Variants in POGZ observed in about 807,000 individuals in gnomAD.
POGZ encodes pogo transposable element derived with ZNF domain.
A neutral mutation model predicts 134.6 loss-of-function variants in POGZ; 17 were observed. The ratio of observed to expected loss-of-function variants is 0.13; its 90% CI spans 0.09 to 0.19. The LOEUF (loss-of-function observed/expected upper bound fraction) is 0.19. POGZ is among the 10% of genes least tolerant of loss of function. The pLI is 1.00. For missense variants in POGZ, 1,306 were observed against 1,769.7 expected (o/e 0.74, Z 4.70); for synonymous variants, 693 against 657.1 (o/e 1.05, Z -0.84).
chr1:151,440,173 C>T (rs1002451926), intron 3 of POGZ, among the ~76,000 whole-genome samples: 2 of 150,718 alleles, frequency 1.3e-5, no homozygotes, highest in African/African-American at 2.4e-5. Context: ...TATGGTTAAA[C>T]ATTTTTTTGT....
intron 1 of POGZ, among the ~76,000 whole-genome samples, chr1:151,447,970 C>A (rs545266569): frequency 1.3e-5 from 2 of 152,156 alleles, no homozygotes; most frequent in East Asian, 3.9e-4. Context: ...TGCCCCAGAC[C>A]TAGAACCAAC....
At position 151,404,582 on chromosome 1, in the gene POGZ, A is replaced by G; in HGVS notation, c.*220T>C. On this transcript the variant is annotated 3_prime_UTR_variant, in exon 19 of 19. Transcript: ENST00000271715. ...CTGTTTTTAGCAGAAGTGAATGACC[A>G]ATGGGCCAGCTCCTTGGCTCAGACG... 8.1e-7 allele frequency: 1 copy of G among 1,231,264 alleles called. No homozygotes were observed. The highest frequency in any genetic ancestry group is 3.9e-5 in the South Asian group (1 of 25,952). The allele number at this position is 1,231,264 out of a possible 1,614,324, so 76.3% of individuals were successfully genotyped here.
rs540397052 is a variant in POGZ, at chr1:151,408,653, T to C, written c.2061+41A>G. 6.8e-6 allele frequency: 11 copies of C among 1,605,936 alleles called. No individual in the cohort carries two copies. The East Asian group carries it at 2.5e-4, about 36-fold the overall frequency. ...TCAGAATACTGAAAATCTCTATTCC[T>C]CCCTCCCTGGGCCTATAAAAGACAC... On this transcript the variant is annotated intron_variant, in intron 13 of 18. Coordinates refer to ENST00000271715, the MANE Select transcript of POGZ (RefSeq NM_015100.4).
chr1:151,424,316 T>C (rs1178725822), intron 8 of POGZ, 30 bp from the exon 9 acceptor site: 1 of 1,375,132 alleles, frequency 7.3e-7, no homozygotes, highest in Non-Finnish European at 1.0e-6. Flanking sequence ...ATCATTCTGG[T>C]TATCCTGGGG....
intron 2 of POGZ, 78 bp from the exon 3 acceptor site, chr1:151,441,164 C>G: frequency 8.1e-7 from 1 of 1,231,034 alleles, no homozygotes; most frequent in Non-Finnish European, 1.1e-6. Flanking sequence ...TCTTCCCTTT[C>G]CATCTTATTG....
In POGZ at chr1:151,448,395, T is replaced by G. The variant is rs562880939; in HGVS notation, c.-1-6190A>C. Among the ~76,000 whole-genome samples, 8 of 152,246 alleles carry G rather than the reference T, an allele frequency of 5.3e-5. No individual in the cohort carries two copies. The South Asian group carries it at 1.7e-3, about 32-fold the overall frequency. On this transcript the variant is annotated intron_variant, in intron 1 of 18. Coordinates refer to ENST00000271715, the MANE Select transcript of POGZ (RefSeq NM_015100.4). ...GGGAGGCTGAGGTGAGAGGATTACC[T>G]GAGTTCAGGAGTTCGAGACCAGCTT...
At chr1:151,444,264 T>C (rs1399958211) in intron 1 of POGZ, among the ~76,000 whole-genome samples, 1 of 152,228 alleles carries the variant, frequency 6.6e-6, no homozygotes, top group African/African-American at 2.4e-5. Flanking sequence ...ATTTTCAGGC[T>C]TAATTATATG....
Position 151,449,046 on chromosome 1 carries a change from T to C in POGZ, c.-1-6841A>G, listed in dbSNP as rs79052727. ...CAGAGGTGGAAAACAGAGATTTAGATACAGCAGAAAGCCTACACCTTTACT... is the reference window on the plus strand; with the variant it reads ...CAGAGGTGGAAAACAGAGATTTAGACACAGCAGAAAGCCTACACCTTTACT... On this transcript the variant is annotated intron_variant, in intron 1 of 18. Coordinates refer to ENST00000271715, the MANE Select transcript of POGZ (RefSeq NM_015100.4). Among the ~76,000 whole-genome samples, 29 of 152,298 alleles carry C rather than the reference T, an allele frequency of 1.9e-4. No individual in the cohort carries two copies. The East Asian group carries it at 3.9e-3, about 20-fold the overall frequency.
chr1:151,409,424 G>T (rs1654270997), intron 12 of POGZ, among the ~76,000 whole-genome samples: 1 of 152,078 alleles, frequency 6.6e-6, no homozygotes, highest in African/African-American at 2.4e-5. Context: ...GCCCAGGCTG[G>T]AGTGCAGTGG....
chr1:151,406,665 C>A, intron 17 of POGZ, 34 bp from the exon 18 acceptor site: 1 of 1,591,890 alleles, frequency 6.3e-7, no homozygotes, highest in South Asian at 1.1e-5. Flanking sequence ...ATAGTTAGCT[C>A]AGTGAAAAAA....
At chr1:151,406,530 T>C in intron 18 of POGZ, 66 bp from the exon 19 acceptor site, 1 of 1,537,258 alleles carries the variant, frequency 6.5e-7, no homozygotes, top group Non-Finnish European at 8.7e-7. Flanking sequence ...GAAACAATAA[T>C]ATGATAATAA....
intron 3 of POGZ, among the ~76,000 whole-genome samples, chr1:151,436,869 G>T (rs1659670738): frequency 1.3e-5 from 2 of 152,178 alleles, no homozygotes. Context: ...GCTAGGAGTA[G>T]AACTGCTGGG....
chr1:151,425,203 G>T (rs1657564416), intron 7 of POGZ, 142 bp from the exon 8 acceptor site: 3 of 553,694 alleles, frequency 5.4e-6, no homozygotes, highest in Non-Finnish European at 1.0e-5. Flanking sequence ...GTTTTTGTTT[G>T]TTTTTGTTTT....
At chr1:151,445,221 T>C (rs765611453) in intron 1 of POGZ, among the ~76,000 whole-genome samples, 1 of 151,942 alleles carries the variant, frequency 6.6e-6, no homozygotes, top group African/African-American at 2.4e-5. Context: ...AGACTCAAAA[T>C]GAAAAGAAAA....
At position 151,459,363 on chromosome 1, in the gene POGZ, C is replaced by T. The variant is rs1663234630; in HGVS notation, c.-213G>A. On this transcript the variant is annotated 5_prime_UTR_variant, in exon 1 of 19. Coordinates refer to ENST00000271715, the MANE Select transcript of POGZ (RefSeq NM_015100.4). Reference sequence around the variant, plus strand: ...GAGTGATTCGGGGTGGATTTTTTTCCCGAGGGGGGCGGGGGGGCCCCGAGG... The same window carrying T: ...GAGTGATTCGGGGTGGATTTTTTTCTCGAGGGGGGCGGGGGGGCCCCGAGG... 7.6e-6 allele frequency: 1 copy of T among 131,406 alleles called. No homozygotes were observed. Among genetic ancestry groups the T allele is most frequent in the Non-Finnish European group, 1.6e-5 (1 of 64,516 alleles). The allele number at this position is 131,406 out of a possible 1,614,324, so 8.1% of individuals were successfully genotyped here.
chr1:151,421,917 G>A (rs146786112), intron 10 of POGZ, among the ~76,000 whole-genome samples: 2,479 of 151,970 alleles, frequency 0.016, 58 homozygotes, highest in African/African-American at 0.057. Context: ...CACAGCCAGC[G>A]AATTTTTGTA....
intron 7 of POGZ, 192 bp downstream of exon 7, chr1:151,427,631 T>C (rs1557908533): frequency 1.8e-6 from 1 of 563,884 alleles, no homozygotes; most frequent in Admixed American, 3.0e-5. Flanking sequence ...ATTACACACA[T>C]AATTTCTTGG....
Position 151,407,654 on chromosome 1 carries a change from C to T in POGZ, c.2376-363G>A, listed in dbSNP as rs972556793. 3.3e-5 allele frequency among the ~76,000 whole-genome samples: 5 copies of T among 152,204 alleles called. No individual in the cohort carries two copies. The South Asian group carries it at 1.0e-3, about 32-fold the overall frequency. On this transcript the variant is annotated intron_variant, in intron 15 of 18. Coordinates refer to ENST00000271715, the MANE Select transcript of POGZ (RefSeq NM_015100.4). Reference sequence around the variant, plus strand: ...TCTGCTAGGAGAGAAGAACAAATAGCTCTAAGAGTTGAAGGAGGAAACATA... The same window carrying T: ...TCTGCTAGGAGAGAAGAACAAATAGTTCTAAGAGTTGAAGGAGGAAACATA...
chr1:151,439,186 T>A (rs1199812231), intron 3 of POGZ: 1 of 152,188 alleles, frequency 6.6e-6, no homozygotes, highest in Non-Finnish European at 1.5e-5. Flanking sequence ...TTTAGTCACT[T>A]AGCAACTATT....
Sources: gnomAD v4.1 joint callset for allele counts (sites outside exome capture counted in the v4.1 genomes callset) on GRCh38, gnomAD v4.1.1 for gene constraint, MANE v1.5 for transcripts, NCBI Gene and HGNC (gene_info 2026-07-23, HGNC 2026-07-21) for gene names.